Variants in LRRC61 observed in about 807,000 individuals in gnomAD.
LRRC61 encodes the protein leucine-rich repeat-containing protein 61.
In LRRC61, 9 loss-of-function variants were observed where a neutral mutation model predicts 15.1. The ratio of observed to expected loss-of-function variants is 0.60; its 90% CI spans 0.36 to 1.04. The LOEUF is 1.04. Ranked by LOEUF, LRRC61 falls within the 50% of genes least tolerant of loss-of-function variation. The probability of loss-of-function intolerance (pLI) is 0.01; values close to 1 mark genes in which losing one functional copy is unlikely to be tolerated. For synonymous variants in LRRC61, 173 were observed against 158.6 expected (o/e 1.09, Z -0.68); for missense variants, 344 against 335.6 (o/e 1.03, Z -0.20).
At chr7:150,310,263 T>C in the LRRC61 span, among the ~76,000 whole-genome samples, 1 of 152,114 alleles carries the variant, frequency 6.6e-6, no homozygotes, top group Non-Finnish European at 1.5e-5. Context: ...TACCTCTACT[T>C]GTTCTCTGGC....
chr7:150,316,659 T>C, the LRRC61 span, among the ~76,000 whole-genome samples: 4 of 152,102 alleles, frequency 2.6e-5, no homozygotes, highest in Non-Finnish European at 5.9e-5. Flanking sequence ...CTAATTTTTG[T>C]ATTTTTAGTA....
chr7:150,319,626 C>G (rs1797292525), upstream of LRRC61, among the ~76,000 whole-genome samples: 1 of 152,218 alleles, frequency 6.6e-6, no homozygotes, highest in Non-Finnish European at 1.5e-5. Flanking sequence ...AAGATGGAGG[C>G]AAAGCACTTT....
chr7:150,323,185 C>T (rs1212158199), upstream of LRRC61: 4 of 224,588 alleles, frequency 1.8e-5, 1 homozygote, highest in Non-Finnish European at 3.6e-5. Context: ...CGCCTCGCTG[C>T]CCACGCCTGC....
chr7:150,328,230 G>C (rs1284344412), intron 2 of LRRC61, among the ~76,000 whole-genome samples: 1 of 152,208 alleles, frequency 6.6e-6, no homozygotes, highest in Non-Finnish European at 1.5e-5. Flanking sequence ...ATAGGAAATA[G>C]AGGAAGGGGA....
chr7:150,331,744 T>C (rs982929079), intron 2 of LRRC61: 2 of 167,202 alleles, frequency 1.2e-5, no homozygotes, highest in African/African-American at 4.8e-5. Context: ...AGTGGGCATG[T>C]GCTGGCAGGT....
the LRRC61 span, among the ~76,000 whole-genome samples, chr7:150,314,580 G>A: frequency 6.6e-6 from 1 of 152,044 alleles, no homozygotes; most frequent in Non-Finnish European, 1.5e-5. Context: ...TCTTTGAGGT[G>A]TTTTTTGTGG....
At chr7:150,319,668 A>T (rs1299667296), upstream of LRRC61, among the ~76,000 whole-genome samples, 4 of 152,120 alleles carry the variant, frequency 2.6e-5, no homozygotes, top group Non-Finnish European at 5.9e-5. Flanking sequence ...TTATTTATTT[A>T]TTGTTTGTTT....
intron 1 of LRRC61, among the ~76,000 whole-genome samples, chr7:150,325,509 T>C (rs1797937620): frequency 6.6e-6 from 1 of 152,196 alleles, no homozygotes; most frequent in South Asian, 2.1e-4. Context: ...GCTCTGTTGC[T>C]CAGGCTGGAA....
In LRRC61 at chr7:150,337,232, T is replaced by C. The variant is rs1798333542; in HGVS notation, c.371T>C (p.Leu124Pro). ...CAGTGTCTGGCTGGGCTACCGTGCC[T>C]GGAGTACCTGCGGCTCCGAGACCCT... ...QLQCLAGLPC[L>P]EYLRLRDPLA... The change falls in exon 3 of 3, where the codon CTG (leucine) becomes CCG (proline). Residue 124 changes from leucine (L) to proline (P), a missense_variant. By Grantham distance (98) the Leu-to-Pro change is moderately conservative (BLOSUM62 -3). Transcript: ENST00000359623. The C allele has an allele frequency of 1.2e-6, 2 of 1,604,602 alleles. No homozygotes were observed. Among genetic ancestry groups the C allele is most frequent in the Middle Eastern group, 1.6e-4 (1 of 6,062 alleles).
In LRRC61 at chr7:150,338,150, A is replaced by T; in HGVS notation, c.*509A>T. 1 of 823,496 alleles carries T rather than the reference A, an allele frequency of 1.2e-6. No homozygotes were observed. The highest frequency in any genetic ancestry group is 1.7e-6 in the Non-Finnish European group (1 of 585,064). The allele number at this position is 823,496 out of a possible 1,614,324, so 51.0% of individuals were successfully genotyped here. On this transcript the variant is annotated 3_prime_UTR_variant, in exon 3 of 3. Coordinates refer to ENST00000359623, the MANE Select transcript of LRRC61 (RefSeq NM_001142928.2). ...ACATCTATTAAATGCTTCTGTTTTC[A>T]TTTGCATCCCTGCCTGGCATTTCAT... is the stretch of plus-strand genomic sequence containing the variant.
Position 150,330,339 on chromosome 7 carries a change from G to A in LRRC61, c.-145+4329G>A. 1.3e-6 allele frequency: 1 copy of A among 744,972 alleles called. No homozygotes were observed. The highest frequency in any genetic ancestry group is 2.5e-6 in the Non-Finnish European group (1 of 408,096). The allele number at this position is 744,972 out of a possible 1,614,324, so 46.1% of individuals were successfully genotyped here. The stretch of plus-strand genomic sequence containing the variant: ...CAGGCACCAGCTGGGGAAGGCTGGT[G>A]TTGCCTTGTCGGCCACATTCTGGAG... On this transcript the variant is annotated intron_variant, in intron 2 of 2. Coordinates refer to ENST00000359623, the MANE Select transcript of LRRC61 (RefSeq NM_001142928.2). The surrounding 1 kb of genome is among the most constrained non-coding windows in gnomAD (Gnocchi z 4.6).
At position 150,325,190 on chromosome 7, in the gene LRRC61, C is replaced by T. The variant is rs550794132; in HGVS notation, c.-314-651C>T. 8.5e-5 allele frequency among the ~76,000 whole-genome samples: 13 copies of T among 152,370 alleles called. No individual in the cohort carries two copies. The South Asian group carries it at 2.7e-3, about 32-fold the overall frequency. On this transcript the variant is annotated intron_variant, in intron 1 of 2. Transcript: ENST00000359623. ...CCACTTGAGGCTTAGGCATGGGCCA[C>T]CTCCTGAACAGCTCTCCCCACAGTC...
At chr7:150,312,343 C>T in the LRRC61 span, among the ~76,000 whole-genome samples, 38 of 152,288 alleles carry the variant, frequency 2.5e-4, no homozygotes, top group South Asian at 5.8e-3. Context: ...GTAGGCTCTG[C>T]AATCAAAACT....
intron 2 of LRRC61, chr7:150,331,058 G>A: frequency 1.2e-6 from 2 of 1,612,356 alleles, no homozygotes; most frequent in Non-Finnish European, 8.5e-7. Flanking sequence ...ACTGGGAGAA[G>A]AAGCGAGAAG....
At chr7:150,318,032 TC>T in the LRRC61 span, among the ~76,000 whole-genome samples, 2 of 152,294 alleles carry the variant, frequency 1.3e-5, no homozygotes, top group Non-Finnish European at 2.9e-5. Flanking sequence ...AATGGGGATT[TC>T]CTCTCAATGG....
At position 150,331,083 on chromosome 7, in the gene LRRC61, A is replaced by G. The variant is rs754425171; in HGVS notation, c.-145+5073A>G. On this transcript the variant is annotated intron_variant, in intron 2 of 2. Coordinates refer to ENST00000359623, the MANE Select transcript of LRRC61 (RefSeq NM_001142928.2). ...GAAGCGAGAAGCCTGGCCACCATCT[A>G]TCTGTCTTACCCCCCACAGGAGCCT... 3.7e-5 allele frequency: 59 copies of G among 1,613,394 alleles called. 1 individual carries two copies. The highest frequency in any genetic ancestry group is 1.8e-4 in the South Asian group (16 of 91,084).
At chr7:150,336,659 C>T (rs1798301619) in intron 2 of LRRC61, 59 bp from the exon 3 acceptor site, 7 of 654,174 alleles carry the variant, frequency 1.1e-5, no homozygotes, top group South Asian at 6.0e-5. Context: ...GACTCCCTGC[C>T]GTCACCTGCT....
chr7:150,325,122 A>C (rs1797913764), intron 1 of LRRC61, among the ~76,000 whole-genome samples: 1 of 152,178 alleles, frequency 6.6e-6, no homozygotes, highest in African/African-American at 2.4e-5. Flanking sequence ...CTGTATGAGG[A>C]AAGAGGCTCA....
Position 150,325,842 on chromosome 7 carries a change from T to C in LRRC61, c.-313T>C, listed in dbSNP as rs1316096051. 1 of 152,644 alleles carries C rather than the reference T, an allele frequency of 6.6e-6. No individual in the cohort carries two copies. The highest frequency in any genetic ancestry group is 2.4e-5 in the African/African-American group (1 of 41,460). The allele number at this position is 152,644 out of a possible 1,614,324, so 9.5% of individuals were successfully genotyped here. A position where few individuals can be genotyped will look rare whatever the true frequency, so the allele number is the denominator to read the frequency against. On this transcript the variant is annotated splice_region_variant and 5_prime_UTR_variant, in exon 2 of 3. Transcript: ENST00000359623. ...TTCTTTTTAAAATTTACGTTTTAGA[T>C]TCATTTGGATTCAAGGTTGGCTCTC... is the stretch of plus-strand genomic sequence containing the variant.
Sources: gnomAD v4.1 joint callset for allele counts (sites outside exome capture counted in the v4.1 genomes callset) on GRCh38, gnomAD v4.1.1 for gene constraint, Gnocchi (gnomAD v3.1) non-coding constraint, MANE v1.5 for transcripts, NCBI Gene and HGNC (gene_info 2026-07-23, HGNC 2026-07-21) for gene names.